Variants in MCRS1 observed in about 807,000 individuals in gnomAD.
The protein encoded by MCRS1 is microspherule protein 1.
In MCRS1, 22 loss-of-function variants were observed where a neutral mutation model predicts 62.9. The observed-to-expected ratio is 0.35, with a 90% CI of 0.25 to 0.50. The LOEUF (loss-of-function observed/expected upper bound fraction) is 0.50. Ranked by LOEUF, MCRS1 falls within the 20% of genes least tolerant of loss-of-function variation. MCRS1 has a pLI of 0.98. For missense variants in MCRS1, 456 were observed against 601.1 expected, an observed-to-expected ratio of 0.76 and a Z score of 2.52; for synonymous variants, 244 against 233.5, an observed-to-expected ratio of 1.04 and a Z score of -0.41.
chr12:49,558,577 G>A lies in MCRS1; in HGVS notation c.*66C>T. ...GTTTTTCCAGGAGCCTGAGTTCCCAGCTCAAGGGGGCTGGAGTGGCAGGGG... is the reference window on the plus strand; with the variant it reads ...GTTTTTCCAGGAGCCTGAGTTCCCAACTCAAGGGGGCTGGAGTGGCAGGGG... On this transcript the variant is annotated 3_prime_UTR_variant, in exon 15 of 15. Coordinates refer to ENST00000343810, the MANE Select transcript of MCRS1 (RefSeq NM_006337.5). The A allele has an allele frequency of 6.5e-7, 1 of 1,543,158 alleles. No individual in the cohort carries two copies. The highest frequency in any genetic ancestry group is 8.9e-7 in the Non-Finnish European group (1 of 1,124,456).
chr12:49,558,395 G>C lies in MCRS1; in HGVS notation c.*248C>G. On this transcript the variant is annotated 3_prime_UTR_variant, in exon 15 of 15. Transcript: ENST00000343810. ...GAGACACAGGAGTGAAGGTGGCAAT[G>C]GGGGGTAGGGTTGTTTTTAGAGAGA... is the stretch of plus-strand genomic sequence containing the variant. 1 of 522,892 alleles carries C rather than the reference G, an allele frequency of 1.9e-6. No homozygotes were observed. Among genetic ancestry groups the C allele is most frequent in the Non-Finnish European group, 3.4e-6 (1 of 297,550 alleles). 32.4% of individuals were successfully genotyped at this position (522,892 alleles called of 1,614,324 possible).
At chr12:49,561,540 T>G (rs1938768025) in intron 8 of MCRS1, among the ~76,000 whole-genome samples, 1 of 152,272 alleles carries the variant, frequency 6.6e-6, no homozygotes, top group Non-Finnish European at 1.5e-5. Context: ...AAATCCCTTT[T>G]GAAGAAATAC....
chr12:49,566,783 G>C lies in MCRS1; in HGVS notation c.-52C>G, dbSNP rs778607906. ...TCCAAACCACCGGGCTAGGAGGAAC[G>C]GTCCCACAGGCTCATCCAAGGATTC... is the stretch of plus-strand genomic sequence containing the variant. On this transcript the variant is annotated 5_prime_UTR_variant, in exon 2 of 15. Coordinates refer to ENST00000343810, the MANE Select transcript of MCRS1 (RefSeq NM_006337.5). The C allele has an allele frequency of 4.4e-6, 7 of 1,606,194 alleles. No homozygotes were observed. In the South Asian group the frequency reaches 7.8e-5, roughly 18 times the overall value.
Position 49,568,124 on chromosome 12 carries a change from G to A in MCRS1, c.-187C>T, listed in dbSNP as rs1939161027. On this transcript the variant is annotated 5_prime_UTR_variant, in exon 1 of 15. Coordinates refer to ENST00000343810, the MANE Select transcript of MCRS1 (RefSeq NM_006337.5). ...GCAGGGCCAAAGCCGGCTTCCGTGAGGTACGTCTACTTCCGGTTAACGAAC... is the reference window on the plus strand; with the variant it reads ...GCAGGGCCAAAGCCGGCTTCCGTGAAGTACGTCTACTTCCGGTTAACGAAC... 1.3e-5 allele frequency: 2 copies of A among 152,234 alleles called. No individual in the cohort carries two copies. Among genetic ancestry groups the A allele is most frequent in the Admixed American group, 1.3e-4 (2 of 15,286 alleles). The allele number at this position is 152,234 out of a possible 1,614,324, so 9.4% of individuals were successfully genotyped here.
Position 49,559,501 on chromosome 12 carries a change from C to A in MCRS1, c.1038G>T (p.Leu346=). The change falls in exon 12 of 15, where the codon CTG becomes CTT. Residue 346 remains leucine, a synonymous_variant. Coordinates refer to ENST00000343810, the MANE Select transcript of MCRS1 (RefSeq NM_006337.5). The surrounding 1 kb of genome is among the most constrained non-coding windows in gnomAD (Gnocchi z 5.2). ...MSSPDFDNQT[L]AVLRGRMVRY... is the part of the protein sequence containing the mutation. ...GCACCATGCGGCCCCGCAGCACTGCCAGTGTCTGGTTGTCGAAGTCCGGAG... is the reference window on the plus strand; with the variant it reads ...GCACCATGCGGCCCCGCAGCACTGCAAGTGTCTGGTTGTCGAAGTCCGGAG... The A allele has an allele frequency of 6.2e-7, 1 of 1,612,626 alleles. No homozygotes were observed. The highest frequency in any genetic ancestry group is 1.6e-4 in the Middle Eastern group (1 of 6,062).
chr12:49,566,291 C>G, intron 2 of MCRS1, 76 bp from the exon 3 acceptor site: 2 of 1,573,746 alleles, frequency 1.3e-6, no homozygotes, highest in Non-Finnish European at 1.7e-6. Context: ...TCCCCAGCCC[C>G]CTTCCCCTGC....
chr12:49,566,342 G>A (rs1195934986), intron 2 of MCRS1, 127 bp from the exon 3 acceptor site: 3 of 1,565,652 alleles, frequency 1.9e-6, no homozygotes, highest in Non-Finnish European at 2.6e-6. Flanking sequence ...GACACTTGAG[G>A]TTTTAAGGTA....
intron 9 of MCRS1, 109 bp downstream of exon 9, chr12:49,560,186 G>C: frequency 1.5e-6 from 2 of 1,310,128 alleles, no homozygotes; most frequent in Non-Finnish European, 2.2e-6. Flanking sequence ...GCCAGGGGGG[G>C]CCAAGCACCA....
intron 2 of MCRS1, 109 bp downstream of exon 2, chr12:49,566,613 A>G: frequency 1.3e-6 from 2 of 1,530,336 alleles, no homozygotes; most frequent in Non-Finnish European, 1.8e-6. Flanking sequence ...GCCCAGGGGG[A>G]GGTGGCAAGG....
chr12:49,560,813 C>T (rs904733833), intron 8 of MCRS1, among the ~76,000 whole-genome samples: 8 of 152,186 alleles, frequency 5.3e-5, no homozygotes, highest in Admixed American at 5.2e-4. Context: ...ATATGCTCTC[C>T]AGCATTTCCT....
chr12:49,561,726 T>A (rs1207507006), intron 8 of MCRS1, among the ~76,000 whole-genome samples: 1 of 152,164 alleles, frequency 6.6e-6, no homozygotes, highest in African/African-American at 2.4e-5. Flanking sequence ...GCCTCCCGGG[T>A]TCAGCAATTC....
intron 3 of MCRS1, 99 bp downstream of exon 3, chr12:49,565,978 G>T: frequency 6.7e-7 from 1 of 1,495,842 alleles, no homozygotes; most frequent in Non-Finnish European, 9.0e-7. Flanking sequence ...CCCCAGAGGG[G>T]CTCAGGCAGC....
chr12:49,559,353 G>C lies in MCRS1; in HGVS notation c.1087-52C>G, dbSNP rs769399972. ...GGGACCTGAAGAATTGGGGGAGTAG[G>C]TCTATGCAGGCCAGAGAAAGATGGG... On this transcript the variant is annotated intron_variant, in intron 12 of 14. Coordinates refer to ENST00000343810, the MANE Select transcript of MCRS1 (RefSeq NM_006337.5). The surrounding 1 kb of genome is among the most constrained non-coding windows in gnomAD (Gnocchi z 5.2). 1.9e-6 allele frequency: 3 copies of C among 1,604,136 alleles called. No individual in the cohort carries two copies. Among genetic ancestry groups the C allele is most frequent in the Non-Finnish European group, 2.6e-6 (3 of 1,171,174 alleles).
chr12:49,560,265 C>T, intron 9 of MCRS1, 30 bp downstream of exon 9: 2 of 1,608,144 alleles, frequency 1.2e-6, no homozygotes, highest in African/African-American at 1.3e-5. Flanking sequence ...TCGGCTCTCT[C>T]CACCCCTTCC....
Position 49,558,886 on chromosome 12 carries a change from A to G in MCRS1, c.1259T>C (p.Leu420Pro), listed in dbSNP as rs1166088669. ...GCTGAGGCGCCATTTGGAGCCACAG[A>G]GCACCGGCCGTCCATCGATGTAGAT... is the stretch of plus-strand genomic sequence containing the variant. Reference protein sequence around the residue: ...RPIYIDGRPVLCGSKWRLSNN... With the variant: ...RPIYIDGRPVPCGSKWRLSNN... Residue 420 changes from leucine to proline, a missense_variant, in exon 14 of 15, where the codon CTC becomes CCC. Coordinates refer to ENST00000343810, the MANE Select transcript of MCRS1 (RefSeq NM_006337.5). 1 of 1,613,144 alleles carries G rather than the reference A, an allele frequency of 6.2e-7. No individual in the cohort carries two copies. Among genetic ancestry groups the G allele is most frequent in the Non-Finnish European group, 8.5e-7 (1 of 1,180,034 alleles).
chr12:49,559,837 G>A lies in MCRS1; in HGVS notation c.911-16C>T, dbSNP rs746754183. 6.2e-7 allele frequency: 1 copy of A among 1,614,202 alleles called. No individual in the cohort carries two copies. Among genetic ancestry groups the A allele is most frequent in the South Asian group, 1.1e-5 (1 of 91,088 alleles). On this transcript the variant is annotated splice_polypyrimidine_tract_variant and intron_variant, in intron 10 of 14. Coordinates refer to ENST00000343810, the MANE Select transcript of MCRS1 (RefSeq NM_006337.5). This position sits in a 1 kb window ranked among gnomAD's most constrained non-coding sequence, Gnocchi z 5.2. ...ACCATCAGCTCTGGGGTGAGGTGGG[G>A]TGGTAAGGAGGGATGCTCTGAGGCC...
At position 49,564,598 on chromosome 12, in the gene MCRS1, G is replaced by T. The variant is rs990679182; in HGVS notation, c.448-8C>A. On this transcript the variant is annotated splice_region_variant and splice_polypyrimidine_tract_variant and intron_variant, in intron 5 of 14. Coordinates refer to ENST00000343810, the MANE Select transcript of MCRS1 (RefSeq NM_006337.5). ...GGAGGTCAGGTCGTTGGTCTGCAAG[G>T]CCCCAGAAGGATTTGCTCCAGCCTT... is the stretch of plus-strand genomic sequence containing the variant. 10 of 1,608,514 alleles carry T rather than the reference G, an allele frequency of 6.2e-6. No individual in the cohort carries two copies. The highest frequency in any genetic ancestry group is 5.1e-5 in the Admixed American group (3 of 59,024).
chr12:49,566,605 C>G lies in MCRS1; in HGVS notation c.10+117G>C, dbSNP rs1000387562. 2.0e-6 allele frequency: 3 copies of G among 1,528,340 alleles called. No individual in the cohort carries two copies. The African/African-American group carries it at 4.1e-5, about 21-fold the overall frequency. 94.7% of individuals were successfully genotyped at this position (1,528,340 alleles called of 1,614,324 possible). A position where few individuals can be genotyped will look rare whatever the true frequency, so the allele number is the denominator to read the frequency against. ...CGACAGGTACATGGGTGGTGCTGGC[C>G]CAGGGGGAGGTGGCAAGGCCTAGCC... On this transcript the variant is annotated intron_variant, in intron 2 of 14. Coordinates refer to ENST00000343810, the MANE Select transcript of MCRS1 (RefSeq NM_006337.5).
chr12:49,566,364 C>T, intron 2 of MCRS1, 149 bp from the exon 3 acceptor site: 1 of 1,569,630 alleles, frequency 6.4e-7, no homozygotes, highest in Non-Finnish European at 8.6e-7. Context: ...AGTTCCTTGG[C>T]CATCCAGATC....
Sources: allele counts gnomAD v4.1 joint callset (sites outside exome capture counted in the v4.1 genomes callset), GRCh38; gene constraint gnomAD v4.1.1; non-coding constraint Gnocchi (gnomAD v3.1); transcripts MANE v1.5; gene names NCBI Gene and HGNC (gene_info 2026-07-23, HGNC 2026-07-21).